Variants in LDHB observed in about 807,000 individuals in gnomAD.
LDHB encodes the protein L-lactate dehydrogenase B chain.
In LDHB, 18 loss-of-function variants were observed where a neutral mutation model predicts 33.4. The ratio of observed to expected loss-of-function variants is 0.54; its 90% CI spans 0.37 to 0.80. LDHB has a LOEUF of 0.80. Ranked by LOEUF, LDHB falls within the 30% of genes least tolerant of loss-of-function variation. LDHB has a pLI of 0.00. For synonymous variants in LDHB, 121 were observed against 140.6 expected, an observed-to-expected ratio of 0.86 and a Z score of 0.98; for missense variants, 345 against 407.9, an observed-to-expected ratio of 0.85 and a Z score of 1.33.
chr12:21,656,813 G>C (rs1938859320), intron 1 of LDHB, among the ~76,000 whole-genome samples: 1 of 152,198 alleles, frequency 6.6e-6, no homozygotes, highest in Non-Finnish European at 1.5e-5. Flanking sequence ...AAAAATCTCT[G>C]AGTCTTGGTC....
chr12:21,656,275 G>A (rs992505455), intron 1 of LDHB, among the ~76,000 whole-genome samples: 3 of 152,184 alleles, frequency 2.0e-5, no homozygotes, highest in Non-Finnish European at 4.4e-5. Context: ...ATTAAAAGGA[G>A]ATTCTTTCGC....
chr12:21,646,987 A>C lies in LDHB; in HGVS notation c.159T>G (p.Asp53Glu), dbSNP rs765231185. Residue 53 changes from aspartate to glutamate, a missense_variant, in exon 3 of 8, where the codon GAT becomes GAG. Asp to Glu is a conservative substitution (Grantham distance 45). Coordinates refer to ENST00000350669, the MANE Select transcript of LDHB (RefSeq NM_002300.8). ...CTCCTTTAAGCTTATCTTCCAAAAC[A>C]TCCACAAGAGCAAGTTCATCAGCCA... ...KSLADELALV[D>E]VLEDKLKGEM... 1.9e-6 allele frequency: 3 copies of C among 1,613,754 alleles called. No homozygotes were observed. Among genetic ancestry groups the C allele is most frequent in the Non-Finnish European group, 2.5e-6 (3 of 1,179,736 alleles).
In LDHB at chr12:21,635,556, G is replaced by A. The variant is rs1490538671; in HGVS notation, c.991C>T (p.Leu331=). ...ADTLWDIQKD[L]KDL Reference sequence around the variant, plus strand: ...GAGCTCACTAGTCACAGGTCTTTTAGGTCCTTCTGGATGTCCCACAGGGTA... The same window carrying A: ...GAGCTCACTAGTCACAGGTCTTTTAAGTCCTTCTGGATGTCCCACAGGGTA... The change falls in exon 8 of 8, where the codon CTA becomes TTA. Residue 331 remains leucine (L), a synonymous_variant. Transcript: ENST00000350669. 29 of 1,611,810 alleles carry A rather than the reference G, an allele frequency of 1.8e-5. No homozygotes were observed. The highest frequency in any genetic ancestry group is 2.3e-5 in the Non-Finnish European group (27 of 1,179,680).
chr12:21,637,493 C>T (rs1402853426), intron 6 of LDHB: 1 of 269,468 alleles, frequency 3.7e-6, no homozygotes, highest in South Asian at 5.2e-5. Context: ...TGTAACAAAT[C>T]TGTAAACATA....
At chr12:21,645,637 T>C (rs1193837350) in intron 3 of LDHB, among the ~76,000 whole-genome samples, 3 of 152,296 alleles carry the variant, frequency 2.0e-5, no homozygotes, top group East Asian at 3.9e-4. Flanking sequence ...ACTTTTTTCT[T>C]TACCTTGTTT....
chr12:21,654,938 T>C (rs1210414461), intron 1 of LDHB, among the ~76,000 whole-genome samples: 2 of 151,730 alleles, frequency 1.3e-5, no homozygotes, highest in Non-Finnish European at 2.9e-5. Context: ...CTGGCCAACA[T>C]GGTGAAACCC....
chr12:21,647,166 G>C, intron 2 of LDHB, 150 bp from the exon 3 acceptor site: 1 of 629,182 alleles, frequency 1.6e-6, no homozygotes, highest in Non-Finnish European at 2.8e-6. Context: ...ACTCAATGAG[G>C]ATTCAGTTCA....
chr12:21,643,150 ACT>A (rs1242530078), intron 4 of LDHB, among the ~76,000 whole-genome samples: 2 of 152,174 alleles, frequency 1.3e-5, no homozygotes, highest in African/African-American at 4.8e-5. Context: ...CTGGCTCTCA[ACT>A]CTCAATACTC....
chr12:21,656,231 T>C (rs1411134083), intron 1 of LDHB, among the ~76,000 whole-genome samples: 4 of 152,196 alleles, frequency 2.6e-5, no homozygotes, highest in Non-Finnish European at 1.5e-5. Context: ...TAGTTTTTTT[T>C]CCAAAAAATA....
intron 1 of LDHB, among the ~76,000 whole-genome samples, chr12:21,655,780 G>C (rs1938827844): frequency 6.6e-6 from 1 of 152,092 alleles, no homozygotes. Flanking sequence ...GATCTGTACA[G>C]TAACACCAAA....
At chr12:21,650,417 T>G (rs1650305) in intron 2 of LDHB, among the ~76,000 whole-genome samples, 143,905 of 152,248 alleles carry the variant, frequency 0.95, 68,509 homozygotes, top group East Asian at 1. Flanking sequence ...ACTTTGCAAT[T>G]TGTCGTTGTA....
At chr12:21,655,942 T>C (rs1938831676) in intron 1 of LDHB, among the ~76,000 whole-genome samples, 1 of 152,176 alleles carries the variant, frequency 6.6e-6, no homozygotes, top group African/African-American at 2.4e-5. Context: ...AGATGGCAAA[T>C]AAGCCTTTTC....
At chr12:21,655,335 T>G (rs1030452) in intron 1 of LDHB, among the ~76,000 whole-genome samples, 143,847 of 152,224 alleles carry the variant, frequency 0.94, 68,472 homozygotes, top group East Asian at 1. Context: ...AATGTATATG[T>G]AACTATGTAA....
intron 2 of LDHB, among the ~76,000 whole-genome samples, chr12:21,650,281 C>A (rs1421911404): frequency 6.6e-6 from 1 of 152,082 alleles, no homozygotes; most frequent in Admixed American, 6.6e-5. Flanking sequence ...CTCTGAAATG[C>A]TACTTCTACA....
intron 5 of LDHB, among the ~76,000 whole-genome samples, chr12:21,640,865 T>C (rs1472083734): frequency 6.6e-6 from 1 of 151,838 alleles, no homozygotes; most frequent in Non-Finnish European, 1.5e-5. Flanking sequence ...AGAGTCAGTT[T>C]GAAAAGCCTG....
intron 2 of LDHB, among the ~76,000 whole-genome samples, chr12:21,648,732 A>C (rs1938598150): frequency 6.6e-6 from 1 of 152,220 alleles, no homozygotes. Flanking sequence ...AATACAATGA[A>C]TAAACACTGT....
chr12:21,638,561 G>T, intron 5 of LDHB, 91 bp from the exon 6 acceptor site: 1 of 853,856 alleles, frequency 1.2e-6, no homozygotes, highest in Non-Finnish European at 1.9e-6. Flanking sequence ...CACCTATGAT[G>T]CAAATTACTG....
chr12:21,638,970 A>G (rs962564199), intron 5 of LDHB, among the ~76,000 whole-genome samples: 1 of 152,060 alleles, frequency 6.6e-6, no homozygotes, highest in Non-Finnish European at 1.5e-5. Flanking sequence ...GAAGAGTATC[A>G]GAAAGAACTA....
chr12:21,643,915 C>T lies in LDHB; in HGVS notation c.421+20G>A. 6.4e-7 allele frequency: 1 copy of T among 1,562,762 alleles called. No homozygotes were observed. The highest frequency in any genetic ancestry group is 8.8e-7 in the Non-Finnish European group (1 of 1,133,400). ...AACACTGAACTTAACAGAACAGAGA[C>T]TTAAAGTATACAATAATACCTGGGT... On this transcript the variant is annotated intron_variant, in intron 4 of 7. Coordinates refer to ENST00000350669, the MANE Select transcript of LDHB (RefSeq NM_002300.8).
Sources: allele counts gnomAD v4.1 joint callset (sites outside exome capture counted in the v4.1 genomes callset), GRCh38; gene constraint gnomAD v4.1.1; transcripts MANE v1.5; gene names NCBI Gene and HGNC (gene_info 2026-07-23, HGNC 2026-07-21).